Variants in PVT1 observed in about 807,000 individuals in gnomAD.
PVT1 encodes CXCR4/PVT1 fusion.
At chr8:127,973,531 G>T (rs772005271) in intron 3 of PVT1, among the ~76,000 whole-genome samples, 30 of 152,214 alleles carry the variant, frequency 2.0e-4, no homozygotes, top group African/African-American at 7.2e-4. Context: ...CTTTGCCTTG[G>T]CCACCCCTGC....
At chr8:127,949,001 G>A (rs1026846403) in intron 3 of PVT1, among the ~76,000 whole-genome samples, 2 of 152,226 alleles carry the variant, frequency 1.3e-5, no homozygotes, top group Non-Finnish European at 2.9e-5. Context: ...TTCATCGGAG[G>A]CTCACTGCGA....
intron 4 of PVT1, among the ~76,000 whole-genome samples, chr8:128,021,386 T>C (rs186608926): frequency 0.018 from 2,557 of 143,980 alleles, 71 homozygotes; most frequent in African/African-American, 0.062. Flanking sequence ...CTCCGCCTCC[T>C]GGGTTCACGC....
At chr8:127,988,018 C>G (rs10109337) in intron 3 of PVT1, among the ~76,000 whole-genome samples, 19,034 of 152,198 alleles carry the variant, frequency 0.13, 1,540 homozygotes, top group Non-Finnish European at 0.18. Flanking sequence ...GGCGAGGACT[C>G]TGAGGCTTGC....
intron 2 of PVT1, among the ~76,000 whole-genome samples, chr8:127,864,624 T>C (rs28417264): frequency 0.37 from 55,750 of 151,782 alleles, 12,569 homozygotes; most frequent in African/African-American, 0.64. Flanking sequence ...CTCGGCTCAC[T>C]GCCAGCTCCG....
intron 2 of PVT1, among the ~76,000 whole-genome samples, chr8:127,877,681 C>A (rs1354412681): frequency 6.6e-6 from 1 of 152,128 alleles, no homozygotes; most frequent in East Asian, 1.9e-4. Flanking sequence ...AGACAGGGAC[C>A]AGTATAAACT....
chr8:127,929,376 G>T (rs1345386959), intron 3 of PVT1, among the ~76,000 whole-genome samples: 2 of 151,994 alleles, frequency 1.3e-5, no homozygotes, highest in South Asian at 2.1e-4. Context: ...TTGGGTGTGG[G>T]TTGTCATCAC....
chr8:127,932,760 T>TAG (rs200998048), intron 3 of PVT1: 3 of 341,838 alleles, frequency 8.8e-6, no homozygotes, highest in Non-Finnish European at 1.6e-5. Context: ...AATAAGCTGA[T>TAG]ATATAGTAGA....
intron 4 of PVT1, among the ~76,000 whole-genome samples, chr8:128,052,742 G>A (rs1413030927): frequency 6.6e-6 from 1 of 152,212 alleles, no homozygotes; most frequent in African/African-American, 2.4e-5. Flanking sequence ...AAAAACCAGT[G>A]CTGTTGTCAC....
chr8:127,845,647 A>G (rs1188697051), intron 2 of PVT1, among the ~76,000 whole-genome samples: 1 of 152,228 alleles, frequency 6.6e-6, no homozygotes, highest in East Asian at 1.9e-4. Flanking sequence ...GGGATTATGC[A>G]AGTGATATGA....
chr8:127,815,561 GTAGA>G (rs1814650913), intron 2 of PVT1, among the ~76,000 whole-genome samples: 5 of 152,150 alleles, frequency 3.3e-5, no homozygotes, highest in Admixed American at 3.3e-4. Flanking sequence ...GCTTGATCAG[GTAGA>G]TGCTGCTTTT....
intron 4 of PVT1, among the ~76,000 whole-genome samples, chr8:128,050,486 T>C (rs949623826): frequency 6.6e-6 from 1 of 152,230 alleles, no homozygotes; most frequent in Non-Finnish European, 1.5e-5. Flanking sequence ...GAATCAGTTC[T>C]GGTAAACAGG....
In PVT1 at chr8:128,023,027, T is replaced by A. The variant is rs146711218; in HGVS notation, n.912+33736T>A. Among the ~76,000 whole-genome samples, 433 of 152,132 alleles carry A rather than the reference T, an allele frequency of 2.8e-3. 4 individuals carry two copies. The highest frequency in any genetic ancestry group is 0.01 in the African/African-American group (420 of 41,528). ...GATTACAGGAGTGCACCACCACACC[T>A]GGCTAATTTTTGTTATTTTTAGTAG... On this transcript the variant is annotated intron_variant and non_coding_transcript_variant, in intron 4 of 10. Transcript: ENST00000651587.
intron 3 of PVT1, among the ~76,000 whole-genome samples, chr8:127,896,840 C>G (rs1322499570): frequency 2.7e-5 from 4 of 150,066 alleles, no homozygotes; most frequent in African/African-American, 9.8e-5. Flanking sequence ...CTGAGCCTCA[C>G]TTTCTTCATC....
chr8:128,069,267 T>C (rs1813952163), intron 4 of PVT1, among the ~76,000 whole-genome samples: 1 of 152,248 alleles, frequency 6.6e-6, no homozygotes, highest in South Asian at 2.1e-4. Flanking sequence ...TTTTTTTCTC[T>C]TCTTTCATCT....
At chr8:127,846,017 G>T (rs532753663) in intron 2 of PVT1, among the ~76,000 whole-genome samples, 1 of 152,310 alleles carries the variant, frequency 6.6e-6, no homozygotes, top group Non-Finnish European at 1.5e-5. Context: ...GCCCTGAGCT[G>T]GGTGGTAGTC....
At chr8:127,940,508 G>C (rs1816334697) in intron 3 of PVT1, 1 of 150,940 alleles carries the variant, frequency 6.6e-6, no homozygotes, top group Non-Finnish European at 1.5e-5. Flanking sequence ...TTTTTATCCT[G>C]CTTATCAATT....
intron 3 of PVT1, among the ~76,000 whole-genome samples, chr8:127,962,946 C>G (rs1816663501): frequency 6.6e-6 from 1 of 152,154 alleles, no homozygotes; most frequent in African/African-American, 2.4e-5. Context: ...CCCTATTTTA[C>G]TTGCAGATGG....
At chr8:128,079,404 G>A (rs910896040) in intron 5 of PVT1, among the ~76,000 whole-genome samples, 44 of 152,166 alleles carry the variant, frequency 2.9e-4, no homozygotes, top group South Asian at 1.0e-3. Flanking sequence ...CCTATTATTC[G>A]CATCTTGAAT....
At chr8:127,979,513 A>G (rs563826304) in intron 3 of PVT1, among the ~76,000 whole-genome samples, 1 of 152,380 alleles carries the variant, frequency 6.6e-6, no homozygotes, top group Admixed American at 6.5e-5. Flanking sequence ...GATGTAGATT[A>G]GCAAGTAGGA....
Sources: gnomAD v4.1 joint callset for allele counts (sites outside exome capture counted in the v4.1 genomes callset) on GRCh38, gnomAD v4.1.1 for gene constraint, MANE v1.5 for transcripts, NCBI Gene and HGNC (gene_info 2026-07-23, HGNC 2026-07-21) for gene names.